The following LRRC4B variants were observed in gnomAD, a reference collection of about 807,000 sequenced individuals.
The protein encoded by LRRC4B is leucine-rich repeat-containing protein 4B.
LRRC4B carries 1 observed loss-of-function variant against 7.3 expected under a neutral mutation model. That is an observed-to-expected ratio of 0.14 (90% CI 0.05 to 0.65). LRRC4B has a LOEUF of 0.65. LRRC4B is among the 30% of genes least tolerant of loss of function. The probability of loss-of-function intolerance (pLI) is 0.84; values close to 1 mark genes in which losing one functional copy is unlikely to be tolerated. For synonymous variants in LRRC4B, 500 were observed against 499.2 expected, an observed-to-expected ratio of 1.00 and a Z score of -0.02; for missense variants, 730 against 1,041.6, an observed-to-expected ratio of 0.70 and a Z score of 4.12.
At chr19:50,536,652 C>T (rs10408266) in intron 2 of LRRC4B, among the ~76,000 whole-genome samples, 33,041 of 152,126 alleles carry the variant, frequency 0.22, 3,865 homozygotes, top group Admixed American at 0.32. Flanking sequence ...CGGGTCTCAG[C>T]TCAGCTCCTA....
At chr19:50,531,672 CTGCTGAGCAGCCTCGTGGGGGATGGT>C (rs1200719309) in intron 2 of LRRC4B, among the ~76,000 whole-genome samples, 6 of 152,196 alleles carry the variant, frequency 3.9e-5, no homozygotes, top group Non-Finnish European at 5.9e-5. Context: ...TGCAGAATGC[CTGCTGAGCAGCCTCGTGGGGGATGGT>C]TGAGGCTGGG....
At chr19:50,530,799 C>T (rs1981022685) in intron 2 of LRRC4B, among the ~76,000 whole-genome samples, 1 of 151,820 alleles carries the variant, frequency 6.6e-6, no homozygotes, top group South Asian at 2.1e-4. Context: ...GGCAGTGGCG[C>T]CATCTTGGCT....
At position 50,535,060 on chromosome 19, in the gene LRRC4B, G is replaced by A. The variant is rs542044495; in HGVS notation, c.297+13482C>T. Among the ~76,000 whole-genome samples, 14 of 152,102 alleles carry A rather than the reference G, an allele frequency of 9.2e-5. No homozygotes were observed. The East Asian group carries it at 2.7e-3, about 29-fold the overall frequency. On this transcript the variant is annotated intron_variant, in intron 2 of 2. Coordinates refer to ENST00000652263, the MANE Select transcript of LRRC4B (RefSeq NM_001080457.2). Reference sequence around the variant, plus strand: ...ATTGTTTGTATTTTTAGTAGAGACAGGGTTTCACTGTGTTAGCCAGGATGG... The same window carrying A: ...ATTGTTTGTATTTTTAGTAGAGACAAGGTTTCACTGTGTTAGCCAGGATGG...
chr19:50,521,194 A>G (rs548616434), intron 2 of LRRC4B, among the ~76,000 whole-genome samples: 1 of 152,116 alleles, frequency 6.6e-6, no homozygotes, highest in South Asian at 2.1e-4. Flanking sequence ...AACACAAAGG[A>G]GCCGGTGCGG....
chr19:50,520,583 T>C (rs1313132065), intron 2 of LRRC4B, among the ~76,000 whole-genome samples: 2 of 150,918 alleles, frequency 1.3e-5, no homozygotes, highest in South Asian at 2.1e-4. Context: ...TGAACTGAGA[T>C]TGTGTCACCA....
intron 2 of LRRC4B, among the ~76,000 whole-genome samples, chr19:50,547,790 GCTCTGTCCCCCCAAGCC>G (rs1012633169): frequency 6.6e-6 from 1 of 151,502 alleles, no homozygotes; most frequent in African/African-American, 2.4e-5. Context: ...TAATAGCACA[GCTCTGTCCCCCCAAGCC>G]CTCGCTTACG....
chr19:50,517,516 G>A lies in LRRC4B; in HGVS notation c.*55C>T, dbSNP rs1035707125. ...GAGGGGTCCCGGTCAGGCTGCGCCC[G>A]GGCTGGGACCTGGGTGGGGGGCTCC... On this transcript the variant is annotated 3_prime_UTR_variant, in exon 3 of 3. Coordinates refer to ENST00000652263, the MANE Select transcript of LRRC4B (RefSeq NM_001080457.2). The surrounding 1 kb of genome is among the most constrained non-coding windows in gnomAD (Gnocchi z 6.6). 8.1e-6 allele frequency: 11 copies of A among 1,363,424 alleles called. No individual in the cohort carries two copies. The highest frequency in any genetic ancestry group is 7.5e-5 in the African/African-American group (5 of 66,370). The allele number at this position is 1,363,424 out of a possible 1,614,324, so 84.5% of individuals were successfully genotyped here.
chr19:50,522,236 TG>T (rs1568717205), intron 2 of LRRC4B, among the ~76,000 whole-genome samples: 1 of 152,130 alleles, frequency 6.6e-6, no homozygotes, highest in Non-Finnish European at 1.5e-5. Context: ...TAAGACACAT[TG>T]AACACATCTT....
At chr19:50,561,921 C>T (rs73588607) in intron 1 of LRRC4B, among the ~76,000 whole-genome samples, 3,053 of 151,310 alleles carry the variant, frequency 0.02, 118 homozygotes, top group African/African-American at 0.07. Context: ...CACAGTGAAA[C>T]GGTGTCTCTA....
intron 2 of LRRC4B, among the ~76,000 whole-genome samples, chr19:50,522,023 C>A (rs565260475): frequency 6.6e-6 from 1 of 151,924 alleles, no homozygotes; most frequent in South Asian, 2.1e-4. Flanking sequence ...CAGACAAATA[C>A]GAAAATTAGC....
At chr19:50,550,673 C>G (rs964916844) in intron 1 of LRRC4B, among the ~76,000 whole-genome samples, 1 of 152,094 alleles carries the variant, frequency 6.6e-6, no homozygotes, top group Non-Finnish European at 1.5e-5. Context: ...GAAGCAGAGG[C>G]AGAGAGACAG....
intron 2 of LRRC4B, among the ~76,000 whole-genome samples, chr19:50,530,967 C>A (rs1019880914): frequency 4.0e-5 from 6 of 150,476 alleles, no homozygotes; most frequent in African/African-American, 1.5e-4. Flanking sequence ...AGGCTGGTCT[C>A]GAACTCCCGA....
intron 2 of LRRC4B, among the ~76,000 whole-genome samples, chr19:50,541,802 A>G (rs1981562735): frequency 6.6e-6 from 1 of 152,148 alleles, no homozygotes; most frequent in Admixed American, 6.5e-5. Context: ...AGAAATGATC[A>G]TGCAGCTCCC....
intron 1 of LRRC4B, among the ~76,000 whole-genome samples, chr19:50,567,227 G>A (rs1276342557): frequency 6.6e-6 from 1 of 151,588 alleles, no homozygotes; most frequent in Non-Finnish European, 1.5e-5. Context: ...CCCAAGGATA[G>A]AAGGCCCCAA....
intron 1 of LRRC4B, among the ~76,000 whole-genome samples, chr19:50,566,071 C>A (rs1303740069): frequency 1.3e-5 from 2 of 152,000 alleles, no homozygotes; most frequent in East Asian, 3.9e-4. Flanking sequence ...AGAGGAGCCC[C>A]AGGGAGGAGG....
intron 2 of LRRC4B, among the ~76,000 whole-genome samples, chr19:50,532,343 C>T (rs553406339): frequency 3.3e-5 from 5 of 152,342 alleles, no homozygotes; most frequent in African/African-American, 7.2e-5. Flanking sequence ...TCAGAATGAC[C>T]GGAAATGCAG....
chr19:50,557,257 AGAG>A (rs1982308870), intron 1 of LRRC4B, among the ~76,000 whole-genome samples: 1 of 152,208 alleles, frequency 6.6e-6, no homozygotes, highest in African/African-American at 2.4e-5. Context: ...AAAAGCCAGA[AGAG>A]GATGTGGGGC....
intron 2 of LRRC4B, among the ~76,000 whole-genome samples, chr19:50,530,252 G>C (rs1301785628): frequency 1.3e-5 from 2 of 152,048 alleles, no homozygotes; most frequent in South Asian, 4.1e-4. Context: ...TCCTCTAGAC[G>C]CCTCCGGGGC....
Position 50,517,783 on chromosome 19 carries a change from C to A in LRRC4B, c.1930G>T (p.Val644Leu). The change falls in exon 3 of 3, where the codon GTG becomes TTG. Residue 644 changes from valine to leucine, a missense_variant. Transcript: ENST00000652263. The surrounding 1 kb of genome is among the most constrained non-coding windows in gnomAD (Gnocchi z 6.6). ...AGGGCCAGGTGGCTGTCCCCGCCCA[C>A]ACCACCCCCACTGGCCACGGCGGCC... is the stretch of plus-strand genomic sequence containing the variant. The part of the protein sequence containing the change: ...AAAAVASGGG[V>L]GGDSHLALPA... 1.3e-6 allele frequency: 2 copies of A among 1,528,416 alleles called. No homozygotes were observed. Among genetic ancestry groups the A allele is most frequent in the South Asian group, 1.3e-5 (1 of 77,830 alleles). The allele number at this position is 1,528,416 out of a possible 1,614,324, so 94.7% of individuals were successfully genotyped here. A position where few individuals can be genotyped will look rare whatever the true frequency, so the allele number is the denominator to read the frequency against.
Sources: allele counts gnomAD v4.1 joint callset (sites outside exome capture counted in the v4.1 genomes callset), GRCh38; gene constraint gnomAD v4.1.1; non-coding constraint Gnocchi (gnomAD v3.1); transcripts MANE v1.5; gene names NCBI Gene and HGNC (gene_info 2026-07-23, HGNC 2026-07-21).